The following NRP1 variants were observed in gnomAD, a reference collection of about 807,000 sequenced individuals.
NRP1 encodes the protein neuropilin-1.
A neutral mutation model predicts 106.7 loss-of-function variants in NRP1; 35 were observed. That is an observed-to-expected ratio of 0.33 (90% CI 0.25 to 0.43). The LOEUF (loss-of-function observed/expected upper bound fraction) is 0.43, where lower values mean the gene tolerates loss of function less well. Ranked by LOEUF, NRP1 falls within the 20% of genes least tolerant of loss-of-function variation. The pLI, the probability that NRP1 is intolerant of heterozygous loss-of-function variation, is 1.00. For synonymous variants in NRP1, 437 were observed against 417.9 expected (o/e 1.05, Z -0.56); for missense variants, 1,024 against 1,170.4 (o/e 0.87, Z 1.83).
At chr10:33,262,330 A>G (rs185482027) in intron 4 of NRP1, among the ~76,000 whole-genome samples, 1 of 152,196 alleles carries the variant, frequency 6.6e-6, no homozygotes, top group Non-Finnish European at 1.5e-5. Flanking sequence ...AGTGGAATGG[A>G]AAACTTTCAT....
intron 2 of NRP1, among the ~76,000 whole-genome samples, chr10:33,290,677 A>G (rs1461354465): frequency 1.3e-5 from 2 of 152,166 alleles, no homozygotes; most frequent in Non-Finnish European, 2.9e-5. Context: ...AAAACATGTC[A>G]TAAGTCTCTG....
At chr10:33,248,056 G>A (rs1841555111) in intron 6 of NRP1, among the ~76,000 whole-genome samples, 1 of 152,148 alleles carries the variant, frequency 6.6e-6, no homozygotes, top group Non-Finnish European at 1.5e-5. Flanking sequence ...GGGAGGCTGA[G>A]GCAAGCAGAT....
At chr10:33,226,087 T>C (rs1291295721) in intron 7 of NRP1, 47 bp downstream of exon 7, 1 of 1,589,910 alleles carries the variant, frequency 6.3e-7, no homozygotes, top group Non-Finnish European at 8.6e-7. Flanking sequence ...AAATTGATCA[T>C]CCATTTAAAA....
intron 3 of NRP1, among the ~76,000 whole-genome samples, chr10:33,265,592 C>G (rs1842865515): frequency 6.6e-6 from 1 of 152,218 alleles, no homozygotes; most frequent in South Asian, 2.1e-4. Flanking sequence ...ACAAATCAAT[C>G]CTTTCCTCCT....
At chr10:33,295,365 C>T (rs141382536) in intron 2 of NRP1, among the ~76,000 whole-genome samples, 308 of 152,312 alleles carry the variant, frequency 2.0e-3, no homozygotes, top group Middle Eastern at 0.017. Flanking sequence ...ACAGTTCATT[C>T]GTGGTCAGTC....
intron 6 of NRP1, among the ~76,000 whole-genome samples, chr10:33,237,691 C>A (rs544786496): frequency 1.4e-5 from 2 of 145,672 alleles, no homozygotes; most frequent in South Asian, 4.4e-4. Context: ...TGATTATAGT[C>A]GCTGGGACTA....
At chr10:33,330,633 C>T in intron 2 of NRP1, 75 bp downstream of exon 2, 2 of 1,328,536 alleles carry the variant, frequency 1.5e-6, no homozygotes, top group Non-Finnish European at 2.1e-6. Context: ...ATTGTACACA[C>T]CGACTTCCCC....
Position 33,185,754 on chromosome 10 carries a change from T to A in NRP1, c.2335-30A>T, listed in dbSNP as rs1164056853. The A allele has an allele frequency of 7.0e-6, 11 of 1,560,642 alleles. No homozygotes were observed. The Admixed American group carries it at 1.7e-4, about 24-fold the overall frequency. On this transcript the variant is annotated intron_variant, in intron 14 of 16. Transcript: ENST00000374867. ...CAAAATAAGATCATTTTCACAGTAT[T>A]GAAATGCTCATCTCACATGGCAGTG...
At chr10:33,290,983 A>G (rs1312110652) in intron 2 of NRP1, among the ~76,000 whole-genome samples, 1 of 152,128 alleles carries the variant, frequency 6.6e-6, no homozygotes, top group African/African-American at 2.4e-5. Flanking sequence ...GTTCTTTGCC[A>G]CTGTAGGGGG....
At position 33,207,678 on chromosome 10, in the gene NRP1, C is replaced by A. The variant is rs746678697; in HGVS notation, c.1653G>T (p.Leu551=). The change falls in exon 10 of 17, where the codon CTG becomes CTT. Residue 551 remains leucine, a synonymous_variant. Coordinates refer to ENST00000374867, the MANE Select transcript of NRP1 (RefSeq NM_003873.7). ...GCGTGGAGAGAGCTGGAAAAGTCCG[C>A]AGCTCAGGTGTATCATAGTTGTTGT... ...EGNNNYDTPE[L]RTFPALSTRF... The A allele has an allele frequency of 6.2e-7, 1 of 1,614,008 alleles. No homozygotes were observed. The highest frequency in any genetic ancestry group is 2.2e-5 in the East Asian group (1 of 44,852).
intron 2 of NRP1, among the ~76,000 whole-genome samples, chr10:33,314,973 A>G (rs781415410): frequency 1.9e-4 from 29 of 152,212 alleles, no homozygotes; most frequent in Non-Finnish European, 4.0e-4. Flanking sequence ...ATTTGTGTTT[A>G]ATTTATGTAA....
chr10:33,270,189 T>G (rs1056690786), intron 3 of NRP1, among the ~76,000 whole-genome samples: 5 of 152,110 alleles, frequency 3.3e-5, no homozygotes, highest in Admixed American at 1.3e-4. Flanking sequence ...ACTTCCTCCA[T>G]ACAATGGGTA....
chr10:33,225,811 C>A (rs1230259696), intron 7 of NRP1, among the ~76,000 whole-genome samples: 1 of 152,126 alleles, frequency 6.6e-6, no homozygotes, highest in African/African-American at 2.4e-5. Flanking sequence ...ACAACAAAAC[C>A]CCAAATTCCT....
At chr10:33,270,650 G>A in intron 3 of NRP1, 25 bp downstream of exon 3, 5 of 1,572,626 alleles carry the variant, frequency 3.2e-6, no homozygotes, top group East Asian at 2.3e-5. Flanking sequence ...AGTCATTCTT[G>A]TTCTACCGTA....
chr10:33,328,539 T>G (rs1589005980), intron 2 of NRP1, among the ~76,000 whole-genome samples: 1 of 152,282 alleles, frequency 6.6e-6, no homozygotes, highest in South Asian at 2.1e-4. Flanking sequence ...CCAGAAGAAA[T>G]GTATGTGCAA....
intron 2 of NRP1, among the ~76,000 whole-genome samples, chr10:33,295,122 T>A (rs142409410): frequency 2.0e-4 from 30 of 152,328 alleles, no homozygotes; most frequent in Middle Eastern, 3.4e-3. Flanking sequence ...TACTGCCATG[T>A]CTTTTTGTAG....
rs566406268 is a variant in NRP1 at position 33,292,213 on chromosome 10, A to G, written c.249-21357T>C. Among the ~76,000 whole-genome samples, 15 of 152,288 alleles carry G rather than the reference A, an allele frequency of 9.8e-5. No homozygotes were observed. The East Asian group carries it at 2.9e-3, about 29-fold the overall frequency. On this transcript the variant is annotated intron_variant, in intron 2 of 16. Transcript: ENST00000374867. Reference sequence around the variant, plus strand: ...GCCCAGCCCACAGATTTAGTTGTGAAGTCAGAAAACCCATGTCTTCTGACT... The same window carrying G: ...GCCCAGCCCACAGATTTAGTTGTGAGGTCAGAAAACCCATGTCTTCTGACT...
At chr10:33,299,876 A>G (rs1845681256) in intron 2 of NRP1, among the ~76,000 whole-genome samples, 3 of 152,188 alleles carry the variant, frequency 2.0e-5, no homozygotes, top group Non-Finnish European at 2.9e-5. Context: ...CCTTGATAGA[A>G]GCTGGGGACT....
rs774890067 is a variant in NRP1, at chr10:33,213,469, A to G, written c.1531T>C (p.Phe511Leu). Residue 511 changes from phenylalanine (F) to leucine (L), a missense_variant, in exon 9 of 17, where the codon TTC (phenylalanine) becomes CTC (leucine). Phe to Leu is a conservative substitution (Grantham distance 22, BLOSUM62 0). Around this residue, in one of 5 missense-constraint regions of NRP1, gnomAD observed 562 missense variants for 620.3 expected, o/e 0.91. Transcript: ENST00000374867. ...QGGKHRENKVFMRKFKIGYSN... is the reference protein window; with the variant it reads ...QGGKHRENKVLMRKFKIGYSN... ...TACCCGATCTTGAACTTCCTCATGA[A>G]CACCTTGTTCTCTCGGTGCTTCCCA... The G allele has an allele frequency of 6.8e-6, 11 of 1,612,882 alleles. 1 individual carries two copies. Among genetic ancestry groups the G allele is most frequent in the Admixed American group, 5.0e-5 (3 of 59,888 alleles).
Sources: allele counts gnomAD v4.1 joint callset (sites outside exome capture counted in the v4.1 genomes callset), GRCh38; gene constraint gnomAD v4.1.1; regional missense constraint gnomAD v4.1.1; transcripts MANE v1.5; gene names NCBI Gene and HGNC (gene_info 2026-07-23, HGNC 2026-07-21).